The following SYCP2L variants were observed in gnomAD, a reference collection of about 807,000 sequenced individuals.
SYCP2L encodes the protein synaptonemal complex protein 2 like, also known as synaptonemal complex protein 2-like.
Under a neutral mutation model 125.8 loss-of-function variants are expected in SYCP2L, and 98 were observed. The observed-to-expected ratio is 0.78, with a 90% CI of 0.66 to 0.92. The LOEUF is 0.92. SYCP2L is among the 40% of genes least tolerant of loss of function. The pLI, the probability that SYCP2L is intolerant of heterozygous loss-of-function variation, is 0.00. For synonymous variants in SYCP2L, 317 were observed against 325.4 expected, an observed-to-expected ratio of 0.97 and a Z score of 0.28; for missense variants, 842 against 936.4, an observed-to-expected ratio of 0.90 and a Z score of 1.32.
chr6:10,899,288 C>T (rs2113296201), intron 6 of SYCP2L, among the ~76,000 whole-genome samples: 1 of 152,264 alleles, frequency 6.6e-6, no homozygotes, highest in Admixed American at 6.5e-5. Flanking sequence ...TGGCTCACGC[C>T]TGTATTCCCA....
At chr6:10,942,885 G>A (rs748380626) in intron 23 of SYCP2L, 139 bp downstream of exon 23, 1 of 756,336 alleles carries the variant, frequency 1.3e-6, no homozygotes, top group Non-Finnish European at 2.1e-6. Flanking sequence ...AGGGAGCAGT[G>A]TGAGCTGCTT....
intron 14 of SYCP2L, among the ~76,000 whole-genome samples, chr6:10,919,262 G>T (rs1455362152): frequency 6.6e-6 from 1 of 152,148 alleles, no homozygotes; most frequent in Non-Finnish European, 1.5e-5. Context: ...TGTCCCATGG[G>T]GTGTGCCCTT....
At chr6:10,897,462 A>T (rs936072872) in intron 4 of SYCP2L, among the ~76,000 whole-genome samples, 1 of 150,596 alleles carries the variant, frequency 6.6e-6, no homozygotes, top group Non-Finnish European at 1.5e-5. Context: ...CAGGCTGGAG[A>T]ATAGTGGTGT....
rs769211626 is a variant in SYCP2L at position 10,902,756 on chromosome 6, ACAGGAGGTGAGTTG to A, written c.549_552+10del. ...AAAAGACTGTAAATCATTTGCTTCA[ACAGGAGGTGAGTTG>A]CAAGTAACAAAACAGGTAATAGTGG... On this transcript the variant is annotated splice_donor_variant and splice_donor_5th_base_variant and coding_sequence_variant and intron_variant, in exon 7 of 30. Transcript: ENST00000283141. LOFTEE classifies it high-confidence loss of function. 6.2e-6 allele frequency: 10 copies of A among 1,614,048 alleles called. No homozygotes were observed. The African/African-American group carries it at 1.3e-4, about 22-fold the overall frequency.
At position 10,894,085 on chromosome 6, in the gene SYCP2L, G is replaced by A; in HGVS notation, c.217G>A (p.Glu73Lys). 2 of 1,611,102 alleles carry A rather than the reference G, an allele frequency of 1.2e-6. No homozygotes were observed. The highest frequency in any genetic ancestry group is 1.7e-6 in the Non-Finnish European group (2 of 1,179,372). ...TTAACTTAGTGTGGTTTATACCTAG[G>A]AACTAGATAAAAATGAATTTCAGTC... ...LYRLDRSINK[E>K]LDKNEFQSVS... The change falls in exon 4 of 30, where the codon GAA becomes AAA. Residue 73 changes from glutamate to lysine, a missense_variant and splice_region_variant. Coordinates refer to ENST00000283141, the MANE Select transcript of SYCP2L (RefSeq NM_001040274.3).
intron 26 of SYCP2L, 38 bp downstream of exon 26, chr6:10,958,913 G>T (rs1182442133): frequency 1.9e-6 from 3 of 1,571,676 alleles, no homozygotes; most frequent in South Asian, 1.1e-5. Flanking sequence ...GTGGAAGTGT[G>T]ATCACTCACC....
In SYCP2L at chr6:10,942,760, A is replaced by AAT; in HGVS notation, c.1954+14_1954+15insAT. The AAT allele has an allele frequency of 6.7e-7, 1 of 1,498,626 alleles. No homozygotes were observed. The highest frequency in any genetic ancestry group is 1.2e-5 in the South Asian group (1 of 80,502). The allele number at this position is 1,498,626 out of a possible 1,614,324, so 92.8% of individuals were successfully genotyped here. On this transcript the variant is annotated intron_variant, in intron 23 of 29. Transcript: ENST00000283141. ...TGGAAGACAAAGGTAAGAGAATAGT[A>AAT]CTTTTTTTTTTTTTTTTGCAGAATA...
chr6:10,923,472 G>A (rs573739254), intron 14 of SYCP2L, among the ~76,000 whole-genome samples: 4 of 133,654 alleles, frequency 3.0e-5, no homozygotes, highest in African/African-American at 5.7e-5. Context: ...TGCAACCTCC[G>A]CTTAGCGGGT....
At chr6:10,966,685 G>A (rs1561703977) in intron 29 of SYCP2L, among the ~76,000 whole-genome samples, 1 of 152,172 alleles carries the variant, frequency 6.6e-6, no homozygotes, top group Admixed American at 6.5e-5. Context: ...CAAGTCCAAA[G>A]CAATTAGAAG....
Position 10,958,777 on chromosome 6 carries a change from G to C in SYCP2L, c.2164-7G>C, listed in dbSNP as rs749763507. On this transcript the variant is annotated splice_region_variant and splice_polypyrimidine_tract_variant and intron_variant, in intron 25 of 29. Coordinates refer to ENST00000283141, the MANE Select transcript of SYCP2L (RefSeq NM_001040274.3). Reference sequence around the variant, plus strand: ...GTGATCATCTTGTTATTGTTGTTATGATTTAGCTTAGGTACAGAAAGCGTC... The same window carrying C: ...GTGATCATCTTGTTATTGTTGTTATCATTTAGCTTAGGTACAGAAAGCGTC... The C allele has an allele frequency of 6.2e-6, 10 of 1,607,604 alleles. No homozygotes were observed. In the South Asian group the frequency reaches 1.1e-4, roughly 18 times the overall value.
At chr6:10,951,638 C>T (rs944963812) in intron 23 of SYCP2L, among the ~76,000 whole-genome samples, 5 of 152,198 alleles carry the variant, frequency 3.3e-5, no homozygotes, top group Non-Finnish European at 5.9e-5. Context: ...ACTCTTAGCA[C>T]TTAATAAACA....
Position 10,912,809 on chromosome 6 carries a change from C to A in SYCP2L, c.1011+44C>A. 2 of 1,607,970 alleles carry A rather than the reference C, an allele frequency of 1.2e-6. No individual in the cohort carries two copies. Among genetic ancestry groups the A allele is most frequent in the Non-Finnish European group, 8.5e-7 (1 of 1,175,148 alleles). On this transcript the variant is annotated intron_variant, in intron 13 of 29. Transcript: ENST00000283141. This position sits in a 1 kb window ranked among gnomAD's most constrained non-coding sequence, Gnocchi z 4.1. ...TGGTTAGAACTAAGCCTTTAGAGAT[C>A]TTTTTTATGTAAGTATGTGTTTTGC...
At chr6:10,938,927 C>A (rs1781158843) in intron 21 of SYCP2L, among the ~76,000 whole-genome samples, 1 of 152,048 alleles carries the variant, frequency 6.6e-6, no homozygotes, top group Admixed American at 6.6e-5. Context: ...GAGACCATCC[C>A]AGCTAACACA....
chr6:10,948,774 T>C (rs1332681392), intron 23 of SYCP2L, among the ~76,000 whole-genome samples: 2 of 152,104 alleles, frequency 1.3e-5, no homozygotes, highest in Non-Finnish European at 2.9e-5. Context: ...TTATATATGA[T>C]AAAAACTAAC....
rs754316338 is a variant in SYCP2L, at chr6:10,928,391, C to T, written c.1441-12C>T. ...CTATGAAATCTTCACAATCCACGTT[C>T]TTCTGCCATAGCTTCAGCCGGTCCC... On this transcript the variant is annotated splice_polypyrimidine_tract_variant and intron_variant, in intron 17 of 29. Transcript: ENST00000283141. 18 of 1,341,980 alleles carry T rather than the reference C, an allele frequency of 1.3e-5. No homozygotes were observed. The highest frequency in any genetic ancestry group is 1.9e-5 in the Non-Finnish European group (18 of 951,254). The allele number at this position is 1,341,980 out of a possible 1,614,324, so 83.1% of individuals were successfully genotyped here.
intron 23 of SYCP2L, among the ~76,000 whole-genome samples, chr6:10,949,450 A>G (rs9468023): frequency 0.03 from 4,586 of 152,324 alleles, 241 homozygotes; most frequent in African/African-American, 0.1. Context: ...ACATAGTCAG[A>G]GAAACACAGT....
At chr6:10,921,135 G>C (rs1442362189) in intron 14 of SYCP2L, among the ~76,000 whole-genome samples, 1 of 152,124 alleles carries the variant, frequency 6.6e-6, no homozygotes, top group African/African-American at 2.4e-5. Flanking sequence ...TGCGGTGTTT[G>C]GTTTTCTGTT....
In SYCP2L at chr6:10,912,938, A is replaced by G. The variant is rs1213878767; in HGVS notation, c.1072+11A>G. 2 of 1,612,290 alleles carry G rather than the reference A, an allele frequency of 1.2e-6. No homozygotes were observed. Among genetic ancestry groups the G allele is most frequent in the Admixed American group, 1.7e-5 (1 of 59,974 alleles). On this transcript the variant is annotated intron_variant, in intron 14 of 29. Coordinates refer to ENST00000283141, the MANE Select transcript of SYCP2L (RefSeq NM_001040274.3). This position sits in a 1 kb window ranked among gnomAD's most constrained non-coding sequence, Gnocchi z 4.1. Reference sequence around the variant, plus strand: ...ATTTCAGCATAACAGGTAATATGATACATTTAAACAACCCACGTCCAGTTC... The same window carrying G: ...ATTTCAGCATAACAGGTAATATGATGCATTTAAACAACCCACGTCCAGTTC...
Position 10,935,130 on chromosome 6 carries a change from C to G in SYCP2L, c.1756C>G (p.Gln586Glu), listed in dbSNP as rs761722172. The G allele has an allele frequency of 1.2e-6, 2 of 1,613,068 alleles. No homozygotes were observed. The highest frequency in any genetic ancestry group is 1.7e-6 in the Non-Finnish European group (2 of 1,179,588). Residue 586 changes from glutamine to glutamate, a missense_variant, in exon 21 of 30, where the codon CAA becomes GAA. Gln to Glu is a conservative substitution (Grantham distance 29, BLOSUM62 2). Coordinates refer to ENST00000283141, the MANE Select transcript of SYCP2L (RefSeq NM_001040274.3). ...CACCACATCTCCAAAGACTTCTGAA[C>G]AAAAATTCCAAGATAGTTTTGCTTT... ...NNTTSPKTSE[Q>E]KFQDSFAFLT...
Sources: gnomAD v4.1 joint callset for allele counts (sites outside exome capture counted in the v4.1 genomes callset) on GRCh38, gnomAD v4.1.1 for gene constraint, Gnocchi (gnomAD v3.1) non-coding constraint, MANE v1.5 for transcripts, NCBI Gene and HGNC (gene_info 2026-07-23, HGNC 2026-07-21) for gene names.